EHF: variants seen among roughly 807,000 people sequenced by gnomAD.
EHF encodes ESE3 transcription factor.
In EHF, 14 loss-of-function variants were observed where a neutral mutation model predicts 45.1. The observed-to-expected ratio is 0.31, with a 90% CI of 0.21 to 0.49. The LOEUF is 0.49. Ranked by LOEUF, EHF falls within the 20% of genes least tolerant of loss-of-function variation. The probability of loss-of-function intolerance (pLI) is 0.99; values close to 1 mark genes in which losing one functional copy is unlikely to be tolerated. For missense variants in EHF, 282 were observed against 371.4 expected (o/e 0.76, Z 1.98); for synonymous variants, 136 against 131.8 (o/e 1.03, Z -0.22).
At chr11:34,632,143 T>A (rs1333316698) in intron 1 of EHF, among the ~76,000 whole-genome samples, 1 of 152,224 alleles carries the variant, frequency 6.6e-6, no homozygotes, top group South Asian at 2.1e-4. Flanking sequence ...CAAATTGGCA[T>A]GAACACTCAG....
Position 34,658,877 on chromosome 11 carries a change from A to C in EHF, c.849A>C (p.Arg283Ser). ...TTCTGGAGCGTGTGGATGGACGAAG[A>C]CTGGTATATAAATTTGGGAAGAATG... ...REILERVDGRRLVYKFGKNAR... is the reference protein window; with the variant it reads ...REILERVDGRSLVYKFGKNAR... Residue 283 changes from arginine (R) to serine (S), a missense_variant, in exon 9 of 9, where the codon AGA becomes AGC. Around this residue, in one of 3 missense-constraint regions of EHF, gnomAD observed 28 missense variants for 37.1 expected, o/e 0.76. Transcript: ENST00000257831. The C allele has an allele frequency of 6.2e-7, 1 of 1,613,474 alleles. No individual in the cohort carries two copies. Among genetic ancestry groups the C allele is most frequent in the Non-Finnish European group, 8.5e-7 (1 of 1,179,668 alleles).
chr11:34,657,995 C>T (rs1417430573), intron 7 of EHF, among the ~76,000 whole-genome samples: 2 of 151,974 alleles, frequency 1.3e-5, no homozygotes, highest in Non-Finnish European at 2.9e-5. Flanking sequence ...AAATTGGGTC[C>T]TCCAGTCCCT....
chr11:34,646,608 T>A lies in EHF; in HGVS notation c.267T>A (p.Ser89Arg). ...ACGGCGAGCACCTCTGCAGCATGAG[T>A]TTGCAGGAGTTCACCCGGGCGGCAG... ...DINGEHLCSMSLQEFTRAAGT... is the reference protein window; with the variant it reads ...DINGEHLCSMRLQEFTRAAGT... The change falls in exon 3 of 9, where the codon AGT becomes AGA. Residue 89 changes from serine (S) to arginine (R), a missense_variant. By Grantham distance (110) the Ser-to-Arg change is moderately radical. This residue lies in a region of EHF where 213 missense variants were observed against 247.3 expected (regional missense o/e 0.86). Transcript: ENST00000257831. 6.2e-7 allele frequency: 1 copy of A among 1,613,746 alleles called. No homozygotes were observed. Among genetic ancestry groups the A allele is most frequent in the Non-Finnish European group, 8.5e-7 (1 of 1,179,850 alleles).
chr11:34,648,593 T>C (rs1407417538), intron 3 of EHF, among the ~76,000 whole-genome samples: 1 of 152,180 alleles, frequency 6.6e-6, no homozygotes, highest in Non-Finnish European at 1.5e-5. Context: ...TACATTTTCA[T>C]TTTCATATCA....
chr11:34,646,311 A>T, intron 2 of EHF, 128 bp from the exon 3 acceptor site: 1 of 1,440,798 alleles, frequency 6.9e-7, no homozygotes, highest in Non-Finnish European at 9.5e-7. Flanking sequence ...TCCATCACCC[A>T]TGCTGGCACA....
At chr11:34,649,341 C>T (rs993013274) in intron 4 of EHF, among the ~76,000 whole-genome samples, 2 of 152,168 alleles carry the variant, frequency 1.3e-5, no homozygotes, top group African/African-American at 4.8e-5. Context: ...TGGCATCATC[C>T]AGACCTCAGG....
At chr11:34,622,731 C>T (rs1852067348) in intron 1 of EHF, among the ~76,000 whole-genome samples, 1 of 152,176 alleles carries the variant, frequency 6.6e-6, no homozygotes, top group South Asian at 2.1e-4. Flanking sequence ...GTAGACAACA[C>T]CATTTTCACA....
At chr11:34,641,099 A>T (rs1590470670) in intron 1 of EHF, among the ~76,000 whole-genome samples, 1 of 152,242 alleles carries the variant, frequency 6.6e-6, no homozygotes, top group East Asian at 1.9e-4. Context: ...TGGTGCCAGG[A>T]CATATAATCC....
At chr11:34,633,981 T>G (rs181178581) in intron 1 of EHF, among the ~76,000 whole-genome samples, 3 of 152,284 alleles carry the variant, frequency 2.0e-5, no homozygotes, top group Non-Finnish European at 4.4e-5. Context: ...ATGAAAACCC[T>G]TGAAACCCCA....
At position 34,662,840 on chromosome 11, in the gene EHF, A is replaced by C. The variant is rs1483057998; in HGVS notation, c.*3909A>C. 6.6e-6 allele frequency among the ~76,000 whole-genome samples: 1 copy of C among 152,114 alleles called. No individual in the cohort carries two copies. Among genetic ancestry groups the C allele is most frequent in the Non-Finnish European group, 1.5e-5 (1 of 67,996 alleles). On this transcript the variant is annotated 3_prime_UTR_variant, in exon 9 of 9. Transcript: ENST00000257831. The stretch of plus-strand genomic sequence containing the variant: ...AAGCAATAGATCTCGGTAGTTACGT[A>C]TTGGGCAGATACTTACTGTATGAAT...
rs1856155228 is a variant in EHF at position 34,662,567 on chromosome 11, T to C, written c.*3636T>C. Among the ~76,000 whole-genome samples, 1 of 152,118 alleles carries C rather than the reference T, an allele frequency of 6.6e-6. No homozygotes were observed. ...GTTCTAAGTTTTAGTATTTGGGGGA[T>C]TGGTTTTTATTATTTTTTTCCTTTT... On this transcript the variant is annotated 3_prime_UTR_variant, in exon 9 of 9. Transcript: ENST00000257831.
intron 6 of EHF, 137 bp from the exon 7 acceptor site, chr11:34,656,771 G>A: frequency 1.2e-6 from 1 of 857,354 alleles, no homozygotes; most frequent in South Asian, 1.8e-5. Flanking sequence ...TGTTTTGTTT[G>A]GTTCACTAGC....
intron 2 of EHF, among the ~76,000 whole-genome samples, chr11:34,643,383 C>T (rs1247368367): frequency 6.6e-6 from 1 of 152,142 alleles, no homozygotes; most frequent in Non-Finnish European, 1.5e-5. Flanking sequence ...GAACCCCATA[C>T]CCCAATTTAG....
intron 2 of EHF, 43 bp downstream of exon 2, chr11:34,642,770 G>T (rs1257955980): frequency 7.1e-7 from 1 of 1,416,378 alleles, no homozygotes; most frequent in Non-Finnish European, 1.0e-6. Flanking sequence ...TGTGCTGTGT[G>T]GGCTCTTTGC....
rs1307500695 is a variant in EHF, at chr11:34,661,417, A to G, written c.*2486A>G. On this transcript the variant is annotated 3_prime_UTR_variant, in exon 9 of 9. Transcript: ENST00000257831. The stretch of plus-strand genomic sequence containing the variant: ...CCAAATTGGCTTTGGCTCTTTCTGC[A>G]ACCTTTCCATTCAAGAGCAATCTTT... Among the ~76,000 whole-genome samples, 1 of 152,248 alleles carries G rather than the reference A, an allele frequency of 6.6e-6. No homozygotes were observed. The highest frequency in any genetic ancestry group is 2.1e-4 in the South Asian group (1 of 4,814).
At chr11:34,632,680 G>T in intron 1 of EHF, 17 of 1,535,144 alleles carry the variant, frequency 1.1e-5, no homozygotes, top group Non-Finnish European at 1.5e-5. Context: ...GCCAGAGAGG[G>T]TTGCCCGGCT....
At position 34,661,810 on chromosome 11, in the gene EHF, T is replaced by G. The variant is rs546489605; in HGVS notation, c.*2879T>G. 1.3e-5 allele frequency among the ~76,000 whole-genome samples: 2 copies of G among 152,138 alleles called. No individual in the cohort carries two copies. The highest frequency in any genetic ancestry group is 4.8e-5 in the African/African-American group (2 of 41,440). On this transcript the variant is annotated 3_prime_UTR_variant, in exon 9 of 9. Transcript: ENST00000257831. The stretch of plus-strand genomic sequence containing the variant: ...TGAATGTCCACATGGTCACTAAACA[T>G]GTTATCCTTAAACCCCCCGTATGCC...
chr11:34,629,850 T>A (rs1852709572), intron 1 of EHF, among the ~76,000 whole-genome samples: 1 of 101,728 alleles, frequency 9.8e-6, no homozygotes, highest in Non-Finnish European at 2.4e-5. Flanking sequence ...TCACCCTTCA[T>A]TTCCCAAGGT....
intron 1 of EHF, among the ~76,000 whole-genome samples, chr11:34,630,071 C>G (rs982329059): frequency 6.6e-6 from 1 of 152,138 alleles, no homozygotes; most frequent in Non-Finnish European, 1.5e-5. Context: ...TATTAGGGTA[C>G]AAGGATGATC....
Sources: allele counts gnomAD v4.1 joint callset (sites outside exome capture counted in the v4.1 genomes callset), GRCh38; gene constraint gnomAD v4.1.1; regional missense constraint gnomAD v4.1.1; transcripts MANE v1.5; gene names NCBI Gene and HGNC (gene_info 2026-07-23, HGNC 2026-07-21).